The following DLC1 variants were observed in gnomAD, a reference collection of about 807,000 sequenced individuals.
DLC1 encodes the protein rho GTPase-activating protein 7.
In DLC1, 54 loss-of-function variants were observed where a neutral mutation model predicts 140.3. The observed-to-expected ratio is 0.38, with a 90% CI of 0.31 to 0.48. DLC1 has a LOEUF of 0.48. DLC1 is among the 20% of genes least tolerant of loss of function. DLC1 has a pLI of 0.96. For synonymous variants in DLC1, 986 were observed against 728.1 expected, an observed-to-expected ratio of 1.35 and a Z score of -5.70; for missense variants, 2,536 against 1,907.0, an observed-to-expected ratio of 1.33 and a Z score of -6.14.
intron 5 of DLC1, among the ~76,000 whole-genome samples, chr8:13,123,324 C>T (rs1466544009): frequency 6.6e-6 from 1 of 151,888 alleles, no homozygotes; most frequent in Non-Finnish European, 1.5e-5. Flanking sequence ...CCCCTGCTCC[C>T]TGCACCCCCC....
In DLC1 at chr8:13,086,285, C is replaced by A. The variant is rs778770467; in HGVS notation, c.4466+5G>T. ...CCATATAAAAAAATCAGAATCAGAA[C>A]ATACCTTAAGTCAACTCTGCACATG... On this transcript the variant is annotated splice_donor_5th_base_variant and intron_variant, in intron 17 of 17. Transcript: ENST00000276297. The A allele has an allele frequency of 6.2e-7, 1 of 1,612,866 alleles. No individual in the cohort carries two copies. The highest frequency in any genetic ancestry group is 8.5e-7 in the Non-Finnish European group (1 of 1,179,540).
At chr8:13,544,892 G>A (rs1002281852) in intron 1 of DLC1, among the ~76,000 whole-genome samples, 11 of 151,956 alleles carry the variant, frequency 7.2e-5, no homozygotes, top group African/African-American at 2.7e-4. Context: ...TGATCTATCC[G>A]TGAACAGTTA....
chr8:13,187,404 T>C (rs1040706863), intron 5 of DLC1, among the ~76,000 whole-genome samples: 1 of 152,138 alleles, frequency 6.6e-6, no homozygotes, highest in Non-Finnish European at 1.5e-5. Flanking sequence ...ATAGGTCCCA[T>C]TGGGGCAGAG....
At chr8:13,147,306 C>T (rs1823506648) in intron 5 of DLC1, among the ~76,000 whole-genome samples, 1 of 152,182 alleles carries the variant, frequency 6.6e-6, no homozygotes, top group Non-Finnish European at 1.5e-5. Flanking sequence ...CACCAGTGAA[C>T]TTCCCTAAAT....
intron 5 of DLC1, among the ~76,000 whole-genome samples, chr8:13,228,593 T>A (rs1828904449): frequency 1.3e-5 from 2 of 151,492 alleles, no homozygotes; most frequent in South Asian, 2.1e-4. Context: ...AAAATAAAAA[T>A]AAAAAAATTA....
At chr8:13,177,106 A>C (rs1233016582) in intron 5 of DLC1, among the ~76,000 whole-genome samples, 1 of 152,172 alleles carries the variant, frequency 6.6e-6, no homozygotes, top group African/African-American at 2.4e-5. Context: ...ATAATTTTTA[A>C]AATTTTAATT....
chr8:13,362,689 T>C (rs1835288410), intron 4 of DLC1, among the ~76,000 whole-genome samples: 1 of 152,152 alleles, frequency 6.6e-6, no homozygotes, highest in Non-Finnish European at 1.5e-5. Context: ...ACTTGTATTA[T>C]ATTTACAATA....
chr8:13,220,682 G>A (rs1828501773), intron 5 of DLC1, among the ~76,000 whole-genome samples: 1 of 152,174 alleles, frequency 6.6e-6, no homozygotes, highest in Non-Finnish European at 1.5e-5. Flanking sequence ...GTGGAGGAAA[G>A]AAGTGGGGAC....
At chr8:13,593,429 A>G (rs969440489) in intron 1 of DLC1, among the ~76,000 whole-genome samples, 2 of 152,122 alleles carry the variant, frequency 1.3e-5, no homozygotes, top group African/African-American at 4.8e-5. Flanking sequence ...GATCGGTGAA[A>G]TGTTGAGTGG....
intron 3 of DLC1, among the ~76,000 whole-genome samples, chr8:13,401,214 C>T (rs1837280080): frequency 4.6e-5 from 7 of 152,168 alleles, no homozygotes; most frequent in Admixed American, 4.6e-4. Context: ...CCATAATTTC[C>T]TAAGGTGACT....
intron 5 of DLC1, among the ~76,000 whole-genome samples, chr8:13,260,858 T>C (rs891912525): frequency 3.9e-5 from 6 of 152,210 alleles, no homozygotes; most frequent in Admixed American, 3.3e-4. Flanking sequence ...GTGAGATAGA[T>C]GCTTTGCCTC....
chr8:13,592,883 C>T (rs12549799), intron 1 of DLC1, among the ~76,000 whole-genome samples: 10,388 of 152,088 alleles, frequency 0.068, 582 homozygotes, highest in Admixed American at 0.17. Context: ...CTATTTGATT[C>T]TATTACTTAT....
chr8:13,477,488 A>T (rs548327209), intron 2 of DLC1, among the ~76,000 whole-genome samples: 18 of 152,350 alleles, frequency 1.2e-4, no homozygotes, highest in Admixed American at 1.2e-3. Flanking sequence ...ACAAGGACTA[A>T]TCGCAGAGGA....
intron 5 of DLC1, among the ~76,000 whole-genome samples, chr8:13,227,897 C>A (rs1306623943): frequency 6.6e-6 from 1 of 152,088 alleles, no homozygotes; most frequent in African/African-American, 2.4e-5. Flanking sequence ...GAATCTTGGT[C>A]TGAATATTTT....
intron 1 of DLC1, among the ~76,000 whole-genome samples, chr8:13,562,226 A>T (rs1044582838): frequency 6.6e-6 from 1 of 152,198 alleles, no homozygotes. Context: ...AAAGATTGAT[A>T]CATTTGATAT....
chr8:13,424,341 T>C (rs1263309910), intron 2 of DLC1, among the ~76,000 whole-genome samples: 1 of 151,754 alleles, frequency 6.6e-6, no homozygotes, highest in African/African-American at 2.4e-5. Flanking sequence ...ATACAAAAAT[T>C]AGCCAGGTAT....
intron 5 of DLC1, among the ~76,000 whole-genome samples, chr8:13,139,008 G>A (rs1822770794): frequency 6.6e-6 from 1 of 151,994 alleles, no homozygotes; most frequent in Admixed American, 6.6e-5. Flanking sequence ...AGAGAAGCTG[G>A]GCACAGTAGT....
intron 5 of DLC1, among the ~76,000 whole-genome samples, chr8:13,181,886 G>C (rs963417645): frequency 6.6e-6 from 1 of 152,120 alleles, no homozygotes; most frequent in South Asian, 2.1e-4. Context: ...GGTAATTCTA[G>C]TTCTAGATCC....
intron 5 of DLC1, among the ~76,000 whole-genome samples, chr8:13,128,968 C>T (rs1161021129): frequency 1.6e-5 from 1 of 62,916 alleles, no homozygotes; most frequent in Non-Finnish European, 3.5e-5. Context: ...ACAGAGTAGA[C>T]CTAATTAGAG....
Sources: allele counts gnomAD v4.1 joint callset (sites outside exome capture counted in the v4.1 genomes callset), GRCh38; gene constraint gnomAD v4.1.1; transcripts MANE v1.5; gene names NCBI Gene and HGNC (gene_info 2026-07-23, HGNC 2026-07-21).